CLCN7: variants seen among roughly 807,000 people sequenced by gnomAD.
The protein encoded by CLCN7 is Cl-/H+ antiporter 7, also known as H(+)/Cl(-) exchange transporter 7.
Under a neutral mutation model 102.1 loss-of-function variants are expected in CLCN7, and 60 were observed. The ratio of observed to expected loss-of-function variants is 0.59; its 90% CI spans 0.48 to 0.73. The LOEUF (loss-of-function observed/expected upper bound fraction) is 0.73, where lower values mean the gene tolerates loss of function less well. Ranked by LOEUF, CLCN7 falls within the 30% of genes least tolerant of loss-of-function variation. The pLI is 0.00. For missense variants in CLCN7, 962 were observed against 1,125.7 expected (o/e 0.85, Z 2.08); for synonymous variants, 560 against 490.5 (o/e 1.14, Z -1.87).
intron 2 of CLCN7, among the ~76,000 whole-genome samples, chr16:1,463,496 A>G (rs1323498140): frequency 6.6e-6 from 1 of 152,092 alleles, no homozygotes; most frequent in Non-Finnish European, 1.5e-5. Flanking sequence ...ATTTTTTTAG[A>G]CAGGGTCCCG....
In CLCN7 at chr16:1,459,207, G is replaced by A. The variant is rs898916175; in HGVS notation, c.595-20C>T. On this transcript the variant is annotated intron_variant, in intron 6 of 24. Coordinates refer to ENST00000382745, the MANE Select transcript of CLCN7 (RefSeq NM_001287.6). ...CACCGGCTGAAAGAGGGGAAGCACG[G>A]CTGAGTGGGTCACGGCCAGGCTGAG... 1.7e-5 allele frequency: 28 copies of A among 1,608,958 alleles called. No homozygotes were observed. Among genetic ancestry groups the A allele is most frequent in the Non-Finnish European group, 2.3e-5 (27 of 1,176,646 alleles).
rs562825109 is a variant in CLCN7 at position 1,448,851 on chromosome 16, G to A, written c.1798-85C>T. 40 of 1,593,916 alleles carry A rather than the reference G, an allele frequency of 2.5e-5. No individual in the cohort carries two copies. In the East Asian group the frequency reaches 4.0e-4, roughly 16 times the overall value. ...GCCTACCCCTGGGAGCCCAGAGGCC[G>A]CCCCCAGAAACCCTGAGCCTACCCC... On this transcript the variant is annotated intron_variant, in intron 19 of 24. Coordinates refer to ENST00000382745, the MANE Select transcript of CLCN7 (RefSeq NM_001287.6).
rs573056435 is a variant in CLCN7 at position 1,449,757 on chromosome 16, C to T, written c.1618-430G>A. 1.1e-4 allele frequency: 31 copies of T among 283,526 alleles called. 1 individual carries two copies. The highest frequency in any genetic ancestry group is 5.9e-4 in the Admixed American group (12 of 20,400). 17.6% of individuals were successfully genotyped at this position (283,526 alleles called of 1,614,324 possible). A position where few individuals can be genotyped will look rare whatever the true frequency, so the allele number is the denominator to read the frequency against. Reference sequence around the variant, plus strand: ...GCACAGGGTTTCCATTCTGGGATGACGGAACATTCTAGAAGTGGTAGTGAC... The same window carrying T: ...GCACAGGGTTTCCATTCTGGGATGATGGAACATTCTAGAAGTGGTAGTGAC... On this transcript the variant is annotated intron_variant, in intron 17 of 24. Transcript: ENST00000382745.
intron 2 of CLCN7, among the ~76,000 whole-genome samples, chr16:1,463,971 C>T (rs1221723176): frequency 2.0e-5 from 3 of 152,176 alleles, no homozygotes; most frequent in Non-Finnish European, 4.4e-5. Context: ...GACAGGGTTT[C>T]ACCATGTTGA....
In CLCN7 at chr16:1,457,578, G is replaced by A. The variant is rs1259565454; in HGVS notation, c.738+116C>T. On this transcript the variant is annotated intron_variant, in intron 8 of 24. Transcript: ENST00000382745. This position sits in a 1 kb window ranked among gnomAD's most constrained non-coding sequence, Gnocchi z 5.4. Reference sequence around the variant, plus strand: ...ACCGGTGCTCAGAGACACGCGTGACGCGGCCCTTCCTGGAGACCAGAAGGA... The same window carrying A: ...ACCGGTGCTCAGAGACACGCGTGACACGGCCCTTCCTGGAGACCAGAAGGA... 4 of 961,592 alleles carry A rather than the reference G, an allele frequency of 4.2e-6. No individual in the cohort carries two copies. The highest frequency in any genetic ancestry group is 3.2e-5 in the African/African-American group (2 of 61,828). The allele number at this position is 961,592 out of a possible 1,614,324, so 59.6% of individuals were successfully genotyped here.
chr16:1,455,322 A>G lies in CLCN7; in HGVS notation c.982-72T>C. The G allele has an allele frequency of 5.1e-6, 5 of 980,730 alleles. No homozygotes were observed. The South Asian group carries it at 5.1e-5, about 10-fold the overall frequency. The allele number at this position is 980,730 out of a possible 1,614,324, so 60.8% of individuals were successfully genotyped here. A position where few individuals can be genotyped will look rare whatever the true frequency, so the allele number is the denominator to read the frequency against. Reference sequence around the variant, plus strand: ...GCCCAGGGCTCACGGACCAGCAGGGACCATCGCCCCTCCTGTCAGCCCCGG... The same window carrying G: ...GCCCAGGGCTCACGGACCAGCAGGGGCCATCGCCCCTCCTGTCAGCCCCGG... On this transcript the variant is annotated intron_variant, in intron 11 of 24. Transcript: ENST00000382745.
At chr16:1,458,265 C>T (rs914342072) in intron 7 of CLCN7, among the ~76,000 whole-genome samples, 1 of 152,268 alleles carries the variant, frequency 6.6e-6, no homozygotes, top group African/African-American at 2.4e-5. Flanking sequence ...GCCTCCCTGC[C>T]CCAGGGCAGA....
At chr16:1,458,199 C>T (rs912271408) in intron 7 of CLCN7, among the ~76,000 whole-genome samples, 2 of 152,236 alleles carry the variant, frequency 1.3e-5, no homozygotes, top group African/African-American at 4.8e-5. Context: ...TCGGCTGCTC[C>T]CCGCCCCCAG....
At position 1,447,466 on chromosome 16, in the gene CLCN7, C is replaced by T. The variant is rs775845218; in HGVS notation, c.2176G>A (p.Val726Met). 7 of 1,552,872 alleles carry T rather than the reference C, an allele frequency of 4.5e-6. No individual in the cohort carries two copies. Among genetic ancestry groups the T allele is most frequent in the South Asian group, 1.2e-5 (1 of 84,262 alleles). Reference sequence around the variant, plus strand: ...GTGCACTCCCGCTCGTCCTGGGACACGTGGATGGACTGGATGGGTGGGAAG... The same window carrying T: ...GTGCACTCCCGCTCGTCCTGGGACATGTGGATGGACTGGATGGGTGGGAAG... ...PRFPPIQSIH[V>M]SQDERECTMD... Residue 726 changes from valine to methionine, a missense_variant, in exon 23 of 25, where the codon GTG (valine) becomes ATG (methionine). Val to Met is a conservative substitution (Grantham distance 21). Transcript: ENST00000382745.
chr16:1,447,035 G>T lies in CLCN7; in HGVS notation c.2302C>A (p.His768Asn). The T allele has an allele frequency of 6.2e-7, 1 of 1,601,870 alleles. No individual in the cohort carries two copies. ...FKLFRALGLR[H>N]LVVVDNRNQV... ...TTGCGGTTGTCCACCACCACCAGGT[G>T]CCGCAGGCCCAGGGCCCGGAACAGC... The change falls in exon 24 of 25, where the codon CAC (histidine) becomes AAC (asparagine). Residue 768 changes from histidine (H) to asparagine (N), a missense_variant. Physicochemically the swap from His to Asn is moderately conservative, Grantham distance 68. Transcript: ENST00000382745.
rs1354252051 is a variant in CLCN7 at position 1,455,744 on chromosome 16, AG to A, written c.967del (p.Leu323Ter). The A allele has an allele frequency of 6.2e-7, 1 of 1,613,860 alleles. No homozygotes were observed. Among genetic ancestry groups the A allele is most frequent in the Admixed American group, 1.7e-5 (1 of 60,028 alleles). On this transcript the variant is annotated frameshift_variant, in exon 11 of 25. Transcript: ENST00000382745. LOFTEE classifies it high-confidence loss of function. ...EEGASFWNQF[L>X]TWRIFFASMI... ...GCAGGAACTTACGATCCTCCAGGTC[AG>A]GAACTGGTTCCAGAAGGACGCACCC...
intron 4 of CLCN7, among the ~76,000 whole-genome samples, 198 bp from the exon 5 acceptor site, chr16:1,461,146 G>C (rs552040223): frequency 1.3e-5 from 2 of 152,350 alleles, no homozygotes; most frequent in African/African-American, 4.8e-5. Flanking sequence ...GGGGAGGTGG[G>C]TGAATTCCCA....
Position 1,457,287 on chromosome 16 carries a change from C to A in CLCN7, c.789G>T (p.Gln263His). 1 of 1,614,108 alleles carries A rather than the reference C, an allele frequency of 6.2e-7. No homozygotes were observed. Among genetic ancestry groups the A allele is most frequent in the Non-Finnish European group, 8.5e-7 (1 of 1,180,042 alleles). Residue 263 changes from glutamine (Q) to histidine (H), a missense_variant, in exon 9 of 25, where the codon CAG (glutamine) becomes CAT (histidine). Gln to His is a conservative substitution (Grantham distance 24). This residue lies in a region of CLCN7 where 799 missense variants were observed against 988.0 expected (regional missense o/e 0.81). Transcript: ENST00000382745. The surrounding 1 kb of genome is among the most constrained non-coding windows in gnomAD (Gnocchi z 5.4). Reference sequence around the variant, plus strand: ...CTCGTTTCAGTGACGTTGACCTTCCCTGAGAGATCCCGGCGGCAATCACTG... The same window carrying A: ...CTCGTTTCAGTGACGTTGACCTTCCATGAGAGATCCCGGCGGCAATCACTG... ...SGSVIAAGIS[Q>H]GRSTSLKRDF...
At chr16:1,464,684 G>A (rs530127004) in intron 2 of CLCN7, among the ~76,000 whole-genome samples, 40 of 152,214 alleles carry the variant, frequency 2.6e-4, no homozygotes, top group Admixed American at 1.5e-3. Context: ...GAGGACGCCC[G>A]GGGTGTTGCC....
At position 1,445,108 on chromosome 16, in the gene CLCN7, C is replaced by G. The variant is rs926142809; in HGVS notation, c.*1523G>C. 1 of 152,224 alleles carries G rather than the reference C, an allele frequency of 6.6e-6. No individual in the cohort carries two copies. Among genetic ancestry groups the G allele is most frequent in the Non-Finnish European group, 1.5e-5 (1 of 68,042 alleles). 9.4% of individuals were successfully genotyped at this position (152,224 alleles called of 1,614,324 possible). A position where few individuals can be genotyped will look rare whatever the true frequency, so the allele number is the denominator to read the frequency against. ...CAGCGTGGGCACCCCGGCCCGCCCC[C>G]CTCCACCTGGAGCGCCTCTGCCTTG... is the stretch of plus-strand genomic sequence containing the variant. On this transcript the variant is annotated 3_prime_UTR_variant, in exon 25 of 25. Coordinates refer to ENST00000382745, the MANE Select transcript of CLCN7 (RefSeq NM_001287.6).
intron 16 of CLCN7, among the ~76,000 whole-genome samples, chr16:1,451,209 G>GT (rs986970270): frequency 6.6e-6 from 1 of 152,208 alleles, no homozygotes; most frequent in African/African-American, 2.4e-5. Flanking sequence ...ACCAGGCTGG[G>GT]TTTTCTTTTG....
chr16:1,460,660 G>T, intron 5 of CLCN7, 133 bp from the exon 6 acceptor site: 1 of 1,310,624 alleles, frequency 7.6e-7, no homozygotes, highest in Non-Finnish European at 1.1e-6. Context: ...GGACATCCCA[G>T]AGACGTCTCA....
In CLCN7 at chr16:1,448,602, G is replaced by A. The variant is rs187719297; in HGVS notation, c.1883+79C>T. 655 of 1,599,744 alleles carry A rather than the reference G, an allele frequency of 4.1e-4. 3 individuals are homozygous for A. In the African/African-American group the frequency reaches 7.3e-3, roughly 18 times the overall value. Reference sequence around the variant, plus strand: ...GGAAACGCGGGGCTGCCTGGAGCCCGCAAGCCGTGCACCCTGCCCCTGTGC... The same window carrying A: ...GGAAACGCGGGGCTGCCTGGAGCCCACAAGCCGTGCACCCTGCCCCTGTGC... On this transcript the variant is annotated intron_variant, in intron 20 of 24. Coordinates refer to ENST00000382745, the MANE Select transcript of CLCN7 (RefSeq NM_001287.6).
At chr16:1,449,488 C>T in intron 17 of CLCN7, 161 bp from the exon 18 acceptor site, 1 of 668,220 alleles carries the variant, frequency 1.5e-6, no homozygotes, top group South Asian at 1.8e-5. Flanking sequence ...ACAGTACACC[C>T]TGCTGCGGAG....
Sources: allele counts gnomAD v4.1 joint callset (sites outside exome capture counted in the v4.1 genomes callset), GRCh38; gene constraint gnomAD v4.1.1; regional missense constraint gnomAD v4.1.1; non-coding constraint Gnocchi (gnomAD v3.1); transcripts MANE v1.5; gene names NCBI Gene and HGNC (gene_info 2026-07-23, HGNC 2026-07-21).